KMT2C: variants seen among roughly 807,000 people sequenced by gnomAD.
KMT2C encodes histone-lysine N-methyltransferase 2C.
In KMT2C, 88 loss-of-function variants were observed where a neutral mutation model predicts 507.9. The ratio of observed to expected loss-of-function variants is 0.17; its 90% CI spans 0.15 to 0.21. The LOEUF is 0.21. Ranked by LOEUF, KMT2C falls within the 10% of genes least tolerant of loss-of-function variation. The pLI, the probability that KMT2C is intolerant of heterozygous loss-of-function variation, is 1.00. For missense variants in KMT2C, 4,954 were observed against 5,957.8 expected (o/e 0.83, Z 5.55); for synonymous variants, 2,049 against 2,080.8 (o/e 0.98, Z 0.42).
At chr7:152,292,459 T>C (rs1242383787) in intron 6 of KMT2C, among the ~76,000 whole-genome samples, 2 of 152,212 alleles carry the variant, frequency 1.3e-5, no homozygotes, top group African/African-American at 2.4e-5. Context: ...ACAGAAGTCA[T>C]ATATAATGCC....
At chr7:152,316,158 G>GA (rs962494705) in intron 3 of KMT2C, among the ~76,000 whole-genome samples, 3 of 152,246 alleles carry the variant, frequency 2.0e-5, no homozygotes, top group Middle Eastern at 3.4e-3. Flanking sequence ...AGCTGAACTG[G>GA]AAGAAGGAAA....
At chr7:152,234,030 A>G (rs1008440880) in intron 16 of KMT2C, among the ~76,000 whole-genome samples, 3 of 151,878 alleles carry the variant, frequency 2.0e-5, no homozygotes, top group Non-Finnish European at 4.4e-5. Flanking sequence ...AGCTACTCAG[A>G]AGGCTGAGGC....
At position 152,146,783 on chromosome 7, in the gene KMT2C, T is replaced by TA. The variant is rs545879695; in HGVS notation, c.13895-49dup. On this transcript the variant is annotated intron_variant, in intron 52 of 58. Coordinates refer to ENST00000262189, the MANE Select transcript of KMT2C (RefSeq NM_170606.3). ...TTTTTATAGGAAATAGGATACAGTA[T>TA]AAAAAACAAGAGCAAAATGAAGAAT... 2.1e-4 allele frequency: 326 copies of TA among 1,548,492 alleles called. 7 individuals are homozygous for TA. The East Asian group carries it at 7.3e-3, about 35-fold the overall frequency.
At position 152,167,382 on chromosome 7, in the gene KMT2C, AG is replaced by A. The variant is rs1487625058; in HGVS notation, c.9518-5del. On this transcript the variant is annotated splice_region_variant and splice_polypyrimidine_tract_variant and intron_variant, in intron 41 of 58. Coordinates refer to ENST00000262189, the MANE Select transcript of KMT2C (RefSeq NM_170606.3). ...TACTGCTTACGCTGTGAATCATCTGAGGAAAAATTAAAATTCAGTTGTGTTA... is the reference window on the plus strand; with the variant it reads ...TACTGCTTACGCTGTGAATCATCTGAGAAAAATTAAAATTCAGTTGTGTTA... The A allele has an allele frequency of 2.5e-6, 4 of 1,585,458 alleles. No individual in the cohort carries two copies. In the African/African-American group the frequency reaches 5.4e-5, roughly 21 times the overall value.
intron 18 of KMT2C, among the ~76,000 whole-genome samples, chr7:152,227,232 T>G (rs1345537817): frequency 6.6e-6 from 1 of 152,230 alleles, no homozygotes; most frequent in East Asian, 1.9e-4. Context: ...TCTTTGAAAT[T>G]TCCTTTTAAC....
intron 14 of KMT2C, among the ~76,000 whole-genome samples, chr7:152,240,087 T>G (rs2129158616): frequency 6.6e-6 from 1 of 152,320 alleles, no homozygotes; most frequent in East Asian, 1.9e-4. Context: ...CACTTTATTT[T>G]TTTCCCTCCA....
rs780860695 is a variant in KMT2C at position 152,192,898 on chromosome 7, G to A, written c.4660+1111C>T. 2.2e-4 allele frequency among the ~76,000 whole-genome samples: 34 copies of A among 152,100 alleles called. 1 individual carries two copies. The highest frequency in any genetic ancestry group is 4.4e-5 in the Non-Finnish European group (3 of 68,016). On this transcript the variant is annotated intron_variant, in intron 31 of 58. Coordinates refer to ENST00000262189, the MANE Select transcript of KMT2C (RefSeq NM_170606.3). ...ATCATCAGAAATATATACTAGCTGC[G>A]CACAGAGGGCCACGCCTGTAATCCC...
intron 1 of KMT2C, among the ~76,000 whole-genome samples, chr7:152,360,130 G>T (rs569809470): frequency 3.4e-5 from 5 of 146,804 alleles, no homozygotes; most frequent in Non-Finnish European, 6.0e-5. Context: ...ATAAAACAAA[G>T]AACTATGTTT....
Position 152,170,360 on chromosome 7 carries a change from T to A in KMT2C, c.9453+904A>T, listed in dbSNP as rs545333709. Among the ~76,000 whole-genome samples the A allele has an allele frequency of 1.9e-3, 290 of 149,554 alleles. 1 individual carries two copies. The highest frequency in any genetic ancestry group is 6.8e-3 in the African/African-American group (280 of 40,956). ...ACATTATAGTAGGTAGCTCCCTTTA[T>A]AAAAAAAAAATCACTGACAAAAATA... On this transcript the variant is annotated intron_variant, in intron 40 of 58. Coordinates refer to ENST00000262189, the MANE Select transcript of KMT2C (RefSeq NM_170606.3).
chr7:152,433,813 G>A (rs555171127), intron 1 of KMT2C, among the ~76,000 whole-genome samples: 1 of 152,396 alleles, frequency 6.6e-6, no homozygotes, highest in Non-Finnish European at 1.5e-5. Context: ...ATACAAATGA[G>A]CTCATTTCAA....
At chr7:152,174,346 C>T (rs1159451527) in intron 38 of KMT2C, 104 bp from the exon 39 acceptor site, 2 of 614,106 alleles carry the variant, frequency 3.3e-6, no homozygotes, top group Non-Finnish European at 5.5e-6. Flanking sequence ...ATTTAATAAT[C>T]ATTACAGATT....
intron 9 of KMT2C, among the ~76,000 whole-genome samples, chr7:152,257,503 G>A: frequency 6.6e-6 from 1 of 152,196 alleles, no homozygotes; most frequent in South Asian, 2.1e-4. Context: ...AAATCACTAA[G>A]AAAAGAAAGG....
chr7:152,296,432 CAAA>C (rs551986657), intron 6 of KMT2C, among the ~76,000 whole-genome samples: 2 of 98,728 alleles, frequency 2.0e-5, no homozygotes, highest in South Asian at 3.2e-4. Flanking sequence ...AACTCCATCT[CAAA>C]AAAAAAAAAA....
intron 9 of KMT2C, among the ~76,000 whole-genome samples, chr7:152,253,450 G>A (rs2095594027): frequency 1.4e-5 from 2 of 140,584 alleles, no homozygotes; most frequent in South Asian, 4.5e-4. Flanking sequence ...CAAGATGGGA[G>A]GATCGCATGA....
Position 152,135,145 on chromosome 7 carries a change from A to T in KMT2C, c.*1687T>A. 4.4e-6 allele frequency: 1 copy of T among 225,598 alleles called. No individual in the cohort carries two copies. Among genetic ancestry groups the T allele is most frequent in the Non-Finnish European group, 8.8e-6 (1 of 113,102 alleles). The allele number at this position is 225,598 out of a possible 1,614,324, so 14.0% of individuals were successfully genotyped here. On this transcript the variant is annotated 3_prime_UTR_variant, in exon 59 of 59. Coordinates refer to ENST00000262189, the MANE Select transcript of KMT2C (RefSeq NM_170606.3). ...GAAAAATATTCAGGAAACAAATTTC[A>T]TACAGCTATTTATCAAGAGAAAAAT...
chr7:152,284,941 G>C (rs1187986081), intron 6 of KMT2C, among the ~76,000 whole-genome samples: 2 of 151,780 alleles, frequency 1.3e-5, no homozygotes, highest in Admixed American at 1.3e-4. Flanking sequence ...ACAGCAAATG[G>C]AACTCTCAGA....
intron 6 of KMT2C, among the ~76,000 whole-genome samples, chr7:152,307,201 G>GGAAGGAAA (rs910277676): frequency 2.5e-5 from 2 of 80,608 alleles, no homozygotes; most frequent in African/African-American, 1.1e-4. Flanking sequence ...GAGGGAGGAA[G>GGAAGGAAA]GAAGGAAGGA....
chr7:152,352,295 G>A (rs1033951649), intron 2 of KMT2C, among the ~76,000 whole-genome samples: 3 of 152,246 alleles, frequency 2.0e-5, no homozygotes, highest in East Asian at 3.9e-4. Flanking sequence ...ACTGTCTCCT[G>A]ATAAGATGTT....
chr7:152,377,304 A>G (rs1156460567), intron 1 of KMT2C, among the ~76,000 whole-genome samples: 2 of 152,306 alleles, frequency 1.3e-5, no homozygotes, highest in Non-Finnish European at 2.9e-5. Flanking sequence ...CTCACTAACA[A>G]TGGACCAGGT....
Sources: allele counts gnomAD v4.1 joint callset (sites outside exome capture counted in the v4.1 genomes callset), GRCh38; gene constraint gnomAD v4.1.1; transcripts MANE v1.5; gene names NCBI Gene and HGNC (gene_info 2026-07-23, HGNC 2026-07-21).